The following EDNRA variants were observed in gnomAD, a reference collection of about 807,000 sequenced individuals.
The protein encoded by EDNRA is endothelin receptor type A.
EDNRA carries 11 observed loss-of-function variants against 41.4 expected under a neutral mutation model. The observed-to-expected ratio is 0.27, with a 90% CI of 0.17 to 0.44. The LOEUF (loss-of-function observed/expected upper bound fraction) is 0.44. Among genes scored for constraint, EDNRA ranks in the 20% least tolerant of loss-of-function variants. The probability of loss-of-function intolerance (pLI) is 1.00; values close to 1 mark genes in which losing one functional copy is unlikely to be tolerated. For missense variants in EDNRA, 294 were observed against 531.0 expected (o/e 0.55, Z 4.39); for synonymous variants, 172 against 183.0 (o/e 0.94, Z 0.49).
chr4:147,497,076 T>G (rs1431908955), intron 2 of EDNRA, among the ~76,000 whole-genome samples: 1 of 151,936 alleles, frequency 6.6e-6, no homozygotes, highest in African/African-American at 2.4e-5. Context: ...CCTTTTATAT[T>G]TTACTATTCA....
chr4:147,507,510 A>C (rs1729759681), intron 2 of EDNRA, among the ~76,000 whole-genome samples: 1 of 152,194 alleles, frequency 6.6e-6, no homozygotes, highest in South Asian at 2.1e-4. Context: ...TGGATAACAG[A>C]TTAATGGTTG....
rs979227453 is a variant in EDNRA, at chr4:147,544,440, T to C, written c.*1822T>C. 1 of 152,692 alleles carries C rather than the reference T, an allele frequency of 6.5e-6. No individual in the cohort carries two copies. Among genetic ancestry groups the C allele is most frequent in the Non-Finnish European group, 1.5e-5 (1 of 68,036 alleles). The allele number at this position is 152,692 out of a possible 1,614,324, so 9.5% of individuals were successfully genotyped here. A position where few individuals can be genotyped will look rare whatever the true frequency, so the allele number is the denominator to read the frequency against. ...TCCTCAATTCAATGTGGTGATGAAA[T>C]TGCCAGGTTGTCTGATATTTCTTTC... On this transcript the variant is annotated 3_prime_UTR_variant, in exon 8 of 8. Coordinates refer to ENST00000651419, the MANE Select transcript of EDNRA (RefSeq NM_001957.4).
intron 3 of EDNRA, among the ~76,000 whole-genome samples, chr4:147,532,243 G>A (rs1477185353): frequency 2.0e-5 from 3 of 147,476 alleles, no homozygotes; most frequent in Non-Finnish European, 4.5e-5. Context: ...GGAGAATGGC[G>A]TGAACCTGGG....
chr4:147,506,656 C>T, intron 2 of EDNRA: 1 of 316,338 alleles, frequency 3.2e-6, no homozygotes. Flanking sequence ...CTGTGGTATA[C>T]CTGAGGGAAC....
Position 147,485,739 on chromosome 4 carries a change from A to G in EDNRA, c.58A>G (p.Ser20Gly), listed in dbSNP as rs765802712. Residue 20 changes from serine to glycine, a missense_variant, in exon 2 of 8, where the codon AGT becomes GGT. Physicochemically the swap from Ser to Gly is moderately conservative, Grantham distance 56. Around this residue, in one of 3 missense-constraint regions of EDNRA, gnomAD observed 90 missense variants for 122.8 expected, o/e 0.73. Coordinates refer to ENST00000651419, the MANE Select transcript of EDNRA (RefSeq NM_001957.4). ...FWLALVGCVI[S>G]DNPERYSTNL... is the part of the protein sequence containing the mutation. ...GCTGGCACTGGTTGGATGTGTAATC[A>G]GTGATAATCCTGAGAGATACAGCAC... is the stretch of plus-strand genomic sequence containing the variant. 8 of 1,614,138 alleles carry G rather than the reference A, an allele frequency of 5.0e-6. No individual in the cohort carries two copies. The highest frequency in any genetic ancestry group is 2.2e-5 in the East Asian group (1 of 44,888).
At position 147,485,794 on chromosome 4, in the gene EDNRA, C is replaced by T. The variant is rs772641212; in HGVS notation, c.113C>T (p.Thr38Ile). ...TNLSNHVDDF[T>I]TFRGTELSFL... Reference sequence around the variant, plus strand: ...CTAAGCAATCATGTGGATGATTTCACCACTTTTCGTGGCACAGAGCTCAGC... The same window carrying T: ...CTAAGCAATCATGTGGATGATTTCATCACTTTTCGTGGCACAGAGCTCAGC... Residue 38 changes from threonine (T) to isoleucine (I), a missense_variant, in exon 2 of 8, where the codon ACC becomes ATC. Transcript: ENST00000651419. The T allele has an allele frequency of 6.2e-7, 1 of 1,614,228 alleles. No individual in the cohort carries two copies. Among genetic ancestry groups the T allele is most frequent in the South Asian group, 1.1e-5 (1 of 91,088 alleles).
At chr4:147,529,246 T>A (rs1279459922) in intron 3 of EDNRA, among the ~76,000 whole-genome samples, 1 of 151,934 alleles carries the variant, frequency 6.6e-6, no homozygotes, top group African/African-American at 2.4e-5. Flanking sequence ...GGAGTCTGAT[T>A]TGGGAGTGTT....
chr4:147,534,388 A>C (rs983377468), intron 4 of EDNRA, among the ~76,000 whole-genome samples: 1 of 152,188 alleles, frequency 6.6e-6, no homozygotes, highest in African/African-American at 2.4e-5. Flanking sequence ...GAATAAACCA[A>C]CTCCTTTGGG....
At chr4:147,523,278 T>G (rs1730388891) in intron 3 of EDNRA, among the ~76,000 whole-genome samples, 1 of 152,204 alleles carries the variant, frequency 6.6e-6, no homozygotes, top group African/African-American at 2.4e-5. Flanking sequence ...ATCTACAGAA[T>G]GTAAATTTTC....
At position 147,486,516 on chromosome 4, in the gene EDNRA, G is replaced by A. The variant is rs552915574; in HGVS notation, c.420+415G>A. 5.3e-5 allele frequency among the ~76,000 whole-genome samples: 8 copies of A among 152,320 alleles called. No individual in the cohort carries two copies. Among genetic ancestry groups the A allele is most frequent in the Admixed American group, 1.3e-4 (2 of 15,300 alleles). On this transcript the variant is annotated intron_variant, in intron 2 of 7. Coordinates refer to ENST00000651419, the MANE Select transcript of EDNRA (RefSeq NM_001957.4). The surrounding 1 kb of genome is among the most constrained non-coding windows in gnomAD (Gnocchi z 4.3). Reference sequence around the variant, plus strand: ...TTTAGTTACCGTTGAATATGATGCTGTTCAGAAGCCAGATATCTACAGTCC... The same window carrying A: ...TTTAGTTACCGTTGAATATGATGCTATTCAGAAGCCAGATATCTACAGTCC...
chr4:147,531,112 T>C (rs1730723061), intron 3 of EDNRA, among the ~76,000 whole-genome samples: 1 of 152,216 alleles, frequency 6.6e-6, no homozygotes, highest in African/African-American at 2.4e-5. Context: ...TTAAATGTGA[T>C]TATTATCACT....
chr4:147,532,735 G>A lies in EDNRA; in HGVS notation c.747+31G>A, dbSNP rs775163156. 1.0e-5 allele frequency: 16 copies of A among 1,607,516 alleles called. No homozygotes were observed. In the South Asian group the frequency reaches 1.7e-4, roughly 17 times the overall value. On this transcript the variant is annotated intron_variant, in intron 4 of 7. Coordinates refer to ENST00000651419, the MANE Select transcript of EDNRA (RefSeq NM_001957.4). ...AAACGTTTAAAAGGAATTAACTGGG[G>A]AAGGGAGGAGGTCCTCCGTTAGACT... is the stretch of plus-strand genomic sequence containing the variant.
chr4:147,492,476 A>G (rs913045138), intron 2 of EDNRA: 2 of 152,204 alleles, frequency 1.3e-5, no homozygotes, highest in African/African-American at 4.8e-5. Flanking sequence ...AGAGCAGCAC[A>G]TAACAGCAAG....
At chr4:147,540,637 A>T (rs1731066260) in intron 7 of EDNRA, 152 bp downstream of exon 7, 1 of 604,730 alleles carries the variant, frequency 1.7e-6, no homozygotes, top group Non-Finnish European at 2.8e-6. Flanking sequence ...ACCCAGAAAG[A>T]GAGTCAGATT....
At chr4:147,499,257 T>C (rs1324184595) in intron 2 of EDNRA, among the ~76,000 whole-genome samples, 2 of 152,222 alleles carry the variant, frequency 1.3e-5, no homozygotes, top group Non-Finnish European at 2.9e-5. Context: ...GGTCTCATTA[T>C]GTTGCCCAGG....
At chr4:147,520,959 G>T (rs1356902207) in intron 3 of EDNRA, among the ~76,000 whole-genome samples, 1 of 152,232 alleles carries the variant, frequency 6.6e-6, no homozygotes, top group East Asian at 1.9e-4. Context: ...TGGTATCCTT[G>T]TTATAAATTT....
In EDNRA at chr4:147,531,084, C is replaced by T. The variant is rs570224405; in HGVS notation, c.549-1422C>T. ...AGAACATAGAATTTCTAAACCAAAC[C>T]TTCCTTAGACATAACATTTAAATGT... On this transcript the variant is annotated intron_variant, in intron 3 of 7. Coordinates refer to ENST00000651419, the MANE Select transcript of EDNRA (RefSeq NM_001957.4). Among the ~76,000 whole-genome samples, 4 of 152,242 alleles carry T rather than the reference C, an allele frequency of 2.6e-5. No individual in the cohort carries two copies. In the East Asian group the frequency reaches 7.7e-4, roughly 29 times the overall value.
chr4:147,524,358 C>G (rs142077008), intron 3 of EDNRA, among the ~76,000 whole-genome samples: 7 of 152,076 alleles, frequency 4.6e-5, no homozygotes, highest in South Asian at 4.2e-4. Context: ...ATTCCTATAT[C>G]TAGTGTCGGG....
chr4:147,513,702 A>C (rs2126437394), intron 2 of EDNRA, among the ~76,000 whole-genome samples: 1 of 152,284 alleles, frequency 6.6e-6, no homozygotes, highest in East Asian at 1.9e-4. Context: ...ACCCTATAAT[A>C]ATTCATATTG....
Sources: gnomAD v4.1 joint callset for allele counts (sites outside exome capture counted in the v4.1 genomes callset) on GRCh38, gnomAD v4.1.1 for gene constraint, gnomAD v4.1.1 regional missense constraint, Gnocchi (gnomAD v3.1) non-coding constraint, MANE v1.5 for transcripts, NCBI Gene and HGNC (gene_info 2026-07-23, HGNC 2026-07-21) for gene names.